Variants in DDX1 observed in about 807,000 individuals in gnomAD.
DDX1 encodes the protein DEAD-box helicase 1, also known as ATP-dependent RNA helicase DDX1.
DDX1 carries 28 observed loss-of-function variants against 108.7 expected under a neutral mutation model. The observed-to-expected ratio is 0.26, with a 90% CI of 0.19 to 0.35. DDX1 has a LOEUF of 0.35. Among genes scored for constraint, DDX1 ranks in the 10% least tolerant of loss-of-function variants. DDX1 has a pLI of 1.00. For missense variants in DDX1, 710 were observed against 884.5 expected (o/e 0.80, Z 2.50); for synonymous variants, 295 against 288.9 (o/e 1.02, Z -0.21).
intron 21 of DDX1, 39 bp downstream of exon 21, chr2:15,628,556 C>T (rs753520804): frequency 1.3e-5 from 20 of 1,596,150 alleles, no homozygotes; most frequent in Admixed American, 1.0e-4. Context: ...GTGATTGTTA[C>T]GGAATCTAAA....
chr2:15,626,938 G>A (rs1449685653), intron 19 of DDX1, 116 bp from the exon 20 acceptor site: 6 of 599,624 alleles, frequency 1.0e-5, no homozygotes, highest in Non-Finnish European at 1.8e-5. Context: ...GCAAGTTGGG[G>A]CATAGATTTT....
intron 1 of DDX1, among the ~76,000 whole-genome samples, chr2:15,592,331 G>A (rs1317761007): frequency 1.3e-5 from 2 of 152,172 alleles, no homozygotes; most frequent in Non-Finnish European, 2.9e-5. Context: ...TTCTGCCCGC[G>A]GCTCATCTGG....
At chr2:15,608,378 T>C (rs1278842444) in intron 13 of DDX1, among the ~76,000 whole-genome samples, 1 of 151,974 alleles carries the variant, frequency 6.6e-6, no homozygotes, top group African/African-American at 2.4e-5. Flanking sequence ...AATACAAAAA[T>C]TAGCTGGGCT....
intron 17 of DDX1, among the ~76,000 whole-genome samples, chr2:15,620,690 T>C (rs1417740993): frequency 6.6e-6 from 1 of 152,154 alleles, no homozygotes; most frequent in African/African-American, 2.4e-5. Flanking sequence ...AGTAGTATTT[T>C]AGTAGGAGCC....
intron 18 of DDX1, 51 bp from the exon 19 acceptor site, chr2:15,623,385 C>A: frequency 6.3e-7 from 1 of 1,584,430 alleles, no homozygotes; most frequent in Non-Finnish European, 8.6e-7. Flanking sequence ...GTATTCATGA[C>A]AAGTTCAGAT....
At chr2:15,612,793 T>C (rs1573044874) in intron 13 of DDX1, among the ~76,000 whole-genome samples, 1 of 152,154 alleles carries the variant, frequency 6.6e-6, no homozygotes, top group Non-Finnish European at 1.5e-5. Flanking sequence ...TCACTCGCGG[T>C]TAGGAGCTGG....
At chr2:15,614,601 G>A (rs185756001) in intron 14 of DDX1, among the ~76,000 whole-genome samples, 37 of 152,236 alleles carry the variant, frequency 2.4e-4, no homozygotes, top group Non-Finnish European at 5.3e-4. Context: ...TGTAGGAGCG[G>A]GTTAGTTATT....
chr2:15,606,792 T>C (rs988801744), intron 12 of DDX1, among the ~76,000 whole-genome samples: 5 of 152,226 alleles, frequency 3.3e-5, no homozygotes, highest in South Asian at 2.1e-4. Flanking sequence ...TGTAGACATA[T>C]CAATCAATTA....
chr2:15,613,706 T>G (rs2148744748), intron 14 of DDX1, among the ~76,000 whole-genome samples: 1 of 152,262 alleles, frequency 6.6e-6, no homozygotes, highest in East Asian at 1.9e-4. Context: ...GGGTAATAGT[T>G]CCAGTGAGGA....
chr2:15,621,057 T>C lies in DDX1; in HGVS notation c.1396-8T>C. ...CTCTATCCTGTTTTTATTCCTTGCT[T>C]TTGATAGACTGATGATGTACATGCA... On this transcript the variant is annotated splice_polypyrimidine_tract_variant and splice_region_variant and intron_variant, in intron 17 of 25. Coordinates refer to ENST00000233084, the MANE Select transcript of DDX1 (RefSeq NM_004939.3). The C allele has an allele frequency of 6.3e-7, 1 of 1,598,434 alleles. No homozygotes were observed. The highest frequency in any genetic ancestry group is 8.6e-7 in the Non-Finnish European group (1 of 1,167,388).
chr2:15,601,457 C>T (rs958647509), intron 6 of DDX1, among the ~76,000 whole-genome samples: 5 of 152,172 alleles, frequency 3.3e-5, no homozygotes, highest in Non-Finnish European at 7.4e-5. Context: ...ATCAGGGTTC[C>T]TACAATTCCT....
At chr2:15,628,960 CT>C in intron 23 of DDX1, 121 bp downstream of exon 23, 1 of 874,062 alleles carries the variant, frequency 1.1e-6, no homozygotes, top group South Asian at 1.6e-5. Flanking sequence ...TACAAATGAA[CT>C]TTTTAATGTC....
chr2:15,602,751 G>A, intron 7 of DDX1, 120 bp downstream of exon 7: 2 of 721,034 alleles, frequency 2.8e-6, no homozygotes, highest in South Asian at 3.7e-5. Context: ...CCGGGCTGGA[G>A]GGCCCGGGCT....
At chr2:15,628,538 C>A (rs370677874) in intron 21 of DDX1, 21 bp downstream of exon 21, 16 of 1,602,312 alleles carry the variant, frequency 1.0e-5, no homozygotes, top group Non-Finnish European at 1.4e-5. Context: ...ACTTTTTATG[C>A]CTGTAGTGTG....
Position 15,612,495 on chromosome 2 carries a change from C to T in DDX1, c.957-729C>T, listed in dbSNP as rs867203713. 9.9e-3 allele frequency among the ~76,000 whole-genome samples: 1,500 copies of T among 151,290 alleles called. 24 individuals carry two copies. Among genetic ancestry groups the T allele is most frequent in the African/African-American group, 0.034 (1,407 of 41,160 alleles). On this transcript the variant is annotated intron_variant, in intron 13 of 25. Transcript: ENST00000233084. ...CTCACTTCCTAGATGGGATGGCGGC[C>T]GGGCAGAGACGCTCCTCACTTTCCA...
At position 15,628,652 on chromosome 2, in the gene DDX1, C is replaced by G; in HGVS notation, c.1774C>G (p.Leu592Val). 1.2e-6 allele frequency: 2 copies of G among 1,612,204 alleles called. No homozygotes were observed. Among genetic ancestry groups the G allele is most frequent in the South Asian group, 2.2e-5 (2 of 90,818 alleles). The change falls in exon 22 of 26, where the codon CTG becomes GTG. Residue 592 changes from leucine (L) to valine (V), a missense_variant. Transcript: ENST00000233084. ...HGVPYVINVT[L>V]PDEKQNYVHR... ...TTTATTTATAGTTATAAATGTCACT[C>G]TGCCCGATGAAAAGCAAAACTACGT...
chr2:15,615,226 C>T (rs1364976201), intron 14 of DDX1, among the ~76,000 whole-genome samples: 1 of 152,156 alleles, frequency 6.6e-6, no homozygotes, highest in Non-Finnish European at 1.5e-5. Flanking sequence ...ATCTTTTAGT[C>T]TTACGGTATT....
At chr2:15,602,094 C>G (rs182140420) in intron 6 of DDX1, among the ~76,000 whole-genome samples, 2 of 152,342 alleles carry the variant, frequency 1.3e-5, no homozygotes, top group Non-Finnish European at 2.9e-5. Flanking sequence ...TATAGTCACT[C>G]AAGCTCTAAT....
At chr2:15,621,200 C>T (rs1666000628) in intron 18 of DDX1, 84 bp downstream of exon 18, 2 of 912,596 alleles carry the variant, frequency 2.2e-6, no homozygotes, top group African/African-American at 1.7e-5. Flanking sequence ...TGTGAGGTGA[C>T]CTGCAAAATT....
Sources: allele counts gnomAD v4.1 joint callset (sites outside exome capture counted in the v4.1 genomes callset), GRCh38; gene constraint gnomAD v4.1.1; transcripts MANE v1.5; gene names NCBI Gene and HGNC (gene_info 2026-07-23, HGNC 2026-07-21).